GLIS3: variants seen among roughly 807,000 people sequenced by gnomAD.
GLIS3 encodes GLIS family zinc finger 3.
In GLIS3, 53 loss-of-function variants were observed where a neutral mutation model predicts 78.6. The observed-to-expected ratio is 0.67, with a 90% CI of 0.54 to 0.85. The LOEUF (loss-of-function observed/expected upper bound fraction) is 0.85. Ranked by LOEUF, GLIS3 falls within the 40% of genes least tolerant of loss-of-function variation. The probability of loss-of-function intolerance (pLI) is 0.00; values close to 1 mark genes in which losing one functional copy is unlikely to be tolerated. For synonymous variants in GLIS3, 684 were observed against 509.9 expected (o/e 1.34, Z -4.60); for missense variants, 1,703 against 1,231.1 (o/e 1.38, Z -5.74).
At chr9:3,889,762 C>T (rs1192646549) in intron 7 of GLIS3, among the ~76,000 whole-genome samples, 1 of 152,142 alleles carries the variant, frequency 6.6e-6, no homozygotes, top group African/African-American at 2.4e-5. Context: ...ACTGTTCTCA[C>T]CTAAAGGCTA....
At chr9:3,834,009 ATTT>A (rs1818201005) in intron 9 of GLIS3, among the ~76,000 whole-genome samples, 1 of 152,172 alleles carries the variant, frequency 6.6e-6, no homozygotes, top group Non-Finnish European at 1.5e-5. Flanking sequence ...GGCAAAAATT[ATTT>A]TTTATTTCCA....
chr9:4,309,475 C>G (rs1817307283), intron 3 of GLIS3, among the ~76,000 whole-genome samples: 1 of 151,938 alleles, frequency 6.6e-6, no homozygotes. Flanking sequence ...AGTGGGTTCT[C>G]AAATTGGACA....
chr9:4,343,442 G>C (rs1202615450), intron 2 of GLIS3, among the ~76,000 whole-genome samples: 2 of 152,172 alleles, frequency 1.3e-5, no homozygotes, highest in Admixed American at 6.5e-5. Context: ...TGGAGAAAAA[G>C]GAATGCTTAT....
chr9:4,276,890 C>G (rs1827083689), intron 2 of GLIS3, among the ~76,000 whole-genome samples: 1 of 152,086 alleles, frequency 6.6e-6, no homozygotes, highest in Admixed American at 6.6e-5. Flanking sequence ...CTGGCTACCT[C>G]AACTGGAATA....
rs753764072 is a variant in GLIS3 at position 4,118,581 on chromosome 9, C to A, written c.897G>T (p.Lys299Asn). 1 of 1,614,246 alleles carries A rather than the reference C, an allele frequency of 6.2e-7. No homozygotes were observed. The highest frequency in any genetic ancestry group is 1.7e-5 in the Admixed American group (1 of 60,032). Residue 299 changes from lysine (K) to asparagine (N), a missense_variant, in exon 4 of 11, where the codon AAG (lysine) becomes AAT (asparagine). Coordinates refer to ENST00000381971, the MANE Select transcript of GLIS3 (RefSeq NM_001042413.2). This position sits in a 1 kb window ranked among gnomAD's most constrained non-coding sequence, Gnocchi z 4.7. Reference protein sequence around the residue: ...SSTRSHSARSKKRALSLSPLS... With the variant: ...SSTRSHSARSNKRALSLSPLS... ...GCGGGGACAAGGACAGCGCTCTCTT[C>A]TTGGAGCGGGCCGAGTGGGACCTGG...
intron 4 of GLIS3, among the ~76,000 whole-genome samples, chr9:3,948,964 A>G (rs1816487413): frequency 6.6e-6 from 1 of 152,192 alleles, no homozygotes. Context: ...CTCATTTTAC[A>G]AGTAAAGGAA....
At chr9:4,311,972 G>A (rs1455388974) in intron 2 of GLIS3, among the ~76,000 whole-genome samples, 1 of 152,148 alleles carries the variant, frequency 6.6e-6, no homozygotes, top group African/African-American at 2.4e-5. Context: ...ACAGACAGTG[G>A]GGTCCACCCA....
At chr9:4,057,075 T>G (rs1041364599) in intron 4 of GLIS3, among the ~76,000 whole-genome samples, 3 of 151,994 alleles carry the variant, frequency 2.0e-5, no homozygotes, top group Non-Finnish European at 4.4e-5. Context: ...AAATTTCATC[T>G]CATTCAAGAC....
chr9:4,202,652 A>G (rs1291982740), intron 2 of GLIS3, among the ~76,000 whole-genome samples: 3 of 152,158 alleles, frequency 2.0e-5, no homozygotes, highest in Non-Finnish European at 4.4e-5. Flanking sequence ...TAGAGAACCC[A>G]GAAGTAAAAT....
the GLIS3 span, among the ~76,000 whole-genome samples, chr9:4,381,215 G>T: frequency 1.3e-5 from 2 of 152,314 alleles, no homozygotes; most frequent in East Asian, 1.9e-4. Context: ...GAAATAAAAT[G>T]AGTTCAACAT....
chr9:4,309,391 G>C (rs887891923), intron 3 of GLIS3, among the ~76,000 whole-genome samples: 1 of 152,074 alleles, frequency 6.6e-6, no homozygotes, highest in Non-Finnish European at 1.5e-5. Flanking sequence ...ATGAACAAAG[G>C]TCTTAAGCAG....
the GLIS3 span, among the ~76,000 whole-genome samples, chr9:4,483,547 A>G: frequency 2.6e-3 from 394 of 151,982 alleles, 1 homozygote; most frequent in East Asian, 0.014. Context: ...GTGAAACCCC[A>G]TCTCTACTAA....
chr9:4,287,180 C>T (rs1408948213), intron 1 of GLIS3, among the ~76,000 whole-genome samples: 2 of 152,116 alleles, frequency 1.3e-5, no homozygotes, highest in African/African-American at 2.4e-5. Flanking sequence ...GAATCAACAA[C>T]AGGATACTGC....
At chr9:3,927,574 G>T (rs1825338547) in intron 6 of GLIS3, among the ~76,000 whole-genome samples, 1 of 152,224 alleles carries the variant, frequency 6.6e-6, no homozygotes, top group Non-Finnish European at 1.5e-5. Context: ...CATTACCCCA[G>T]AGATGGTGGT....
At chr9:4,313,660 T>C (rs1817397511) in intron 2 of GLIS3, among the ~76,000 whole-genome samples, 1 of 152,202 alleles carries the variant, frequency 6.6e-6, no homozygotes, top group Non-Finnish European at 1.5e-5. Flanking sequence ...ATGGACTAGT[T>C]ACTAGAGTCT....
intron 2 of GLIS3, among the ~76,000 whole-genome samples, chr9:4,144,565 G>C (rs1032045335): frequency 4.0e-5 from 6 of 151,480 alleles, no homozygotes; most frequent in African/African-American, 1.5e-4. Context: ...CAGAGATGTG[G>C]TTAAGGGCAA....
At chr9:3,982,213 G>GTT (rs200029119) in intron 4 of GLIS3, among the ~76,000 whole-genome samples, 5 of 146,400 alleles carry the variant, frequency 3.4e-5, no homozygotes, top group African/African-American at 7.5e-5. Context: ...TTACCTCTCT[G>GTT]TTTTTTTTTT....
intron 1 of GLIS3, among the ~76,000 whole-genome samples, chr9:4,295,862 A>C (rs1816442518): frequency 6.6e-6 from 1 of 152,174 alleles, no homozygotes; most frequent in Non-Finnish European, 1.5e-5. Flanking sequence ...TTTTAATCAA[A>C]CTATGTATCA....
At chr9:4,112,977 C>T (rs1831343043) in intron 4 of GLIS3, among the ~76,000 whole-genome samples, 1 of 151,474 alleles carries the variant, frequency 6.6e-6, no homozygotes, top group Admixed American at 6.6e-5. Flanking sequence ...AGTTACCCTG[C>T]CCCCATGATT....
Sources: gnomAD v4.1 joint callset for allele counts (sites outside exome capture counted in the v4.1 genomes callset) on GRCh38, gnomAD v4.1.1 for gene constraint, Gnocchi (gnomAD v3.1) non-coding constraint, MANE v1.5 for transcripts, NCBI Gene and HGNC (gene_info 2026-07-23, HGNC 2026-07-21) for gene names.